The following NEMF variants were observed in gnomAD, a reference collection of about 807,000 sequenced individuals.
NEMF encodes nuclear export mediator factor.
Under a neutral mutation model 162.2 loss-of-function variants are expected in NEMF, and 89 were observed. That is an observed-to-expected ratio of 0.55 (90% CI 0.46 to 0.65). The LOEUF is 0.65. Ranked by LOEUF, NEMF falls within the 30% of genes least tolerant of loss-of-function variation. The pLI, the probability that NEMF is intolerant of heterozygous loss-of-function variation, is 0.00. For missense variants in NEMF, 1,133 were observed against 1,261.9 expected, an observed-to-expected ratio of 0.90 and a Z score of 1.55; for synonymous variants, 421 against 404.5, an observed-to-expected ratio of 1.04 and a Z score of -0.49.
At chr14:49,851,908 CA>C in intron 1 of NEMF, 33 bp from the exon 2 acceptor site, 4 of 1,292,042 alleles carry the variant, frequency 3.1e-6, no homozygotes, top group Non-Finnish European at 4.4e-6. Flanking sequence ...TAACATGTTA[CA>C]CTATTGTCTG....
intron 16 of NEMF, among the ~76,000 whole-genome samples, chr14:49,823,358 G>C (rs1892180534): frequency 6.7e-6 from 1 of 149,982 alleles, no homozygotes. Flanking sequence ...AGAGCTAAAA[G>C]AAACTAAAGC....
intron 8 of NEMF, among the ~76,000 whole-genome samples, chr14:49,833,114 A>G (rs774286023): frequency 6.6e-6 from 1 of 152,108 alleles, no homozygotes; most frequent in Non-Finnish European, 1.5e-5. Context: ...GAAAATATAA[A>G]AACTGTCCAG....
intron 7 of NEMF, among the ~76,000 whole-genome samples, chr14:49,833,864 C>G (rs1321966585): frequency 1.3e-5 from 2 of 152,182 alleles, no homozygotes; most frequent in African/African-American, 4.8e-5. Flanking sequence ...AAGGGTTACA[C>G]AGACAGTAAT....
At chr14:49,823,026 T>C (rs1360732248) in intron 16 of NEMF, among the ~76,000 whole-genome samples, 1 of 150,838 alleles carries the variant, frequency 6.6e-6, no homozygotes, top group Non-Finnish European at 1.5e-5. Context: ...AACCTCTGCC[T>C]CCCAAGTTCA....
At chr14:49,852,435 C>G (rs1390686288) in intron 1 of NEMF, among the ~76,000 whole-genome samples, 1 of 152,262 alleles carries the variant, frequency 6.6e-6, no homozygotes, top group East Asian at 1.9e-4. Flanking sequence ...CCCAGGCCAA[C>G]AATGCAAGAG....
In NEMF at chr14:49,784,515, G is replaced by A. The variant is rs1053628112; in HGVS notation, c.*121C>T. 2 of 673,640 alleles carry A rather than the reference G, an allele frequency of 3.0e-6. No individual in the cohort carries two copies. Among genetic ancestry groups the A allele is most frequent in the Non-Finnish European group, 5.1e-6 (2 of 393,026 alleles). The allele number at this position is 673,640 out of a possible 1,614,324, so 41.7% of individuals were successfully genotyped here. ...GAAGTAAGTCCTTTTGGTGAATATA[G>A]CAAGGCAATGTTTAGTTCATTTTTA... On this transcript the variant is annotated 3_prime_UTR_variant, in exon 33 of 33. Coordinates refer to ENST00000298310, the MANE Select transcript of NEMF (RefSeq NM_004713.6).
chr14:49,785,553 CAAT>C (rs1225870011), intron 29 of NEMF: 4 of 425,652 alleles, frequency 9.4e-6, no homozygotes, highest in Non-Finnish European at 1.7e-5. Context: ...GTAATGAGAA[CAAT>C]AATTTTCAAA....
intron 10 of NEMF, 137 bp from the exon 11 acceptor site, chr14:49,831,498 C>T (rs967171965): frequency 3.6e-5 from 22 of 604,498 alleles, no homozygotes; most frequent in South Asian, 7.6e-5. Context: ...ACTGCAGTGG[C>T]GCGATCTAGG....
chr14:49,842,618 G>T (rs141190352), intron 4 of NEMF, among the ~76,000 whole-genome samples: 83 of 152,364 alleles, frequency 5.4e-4, no homozygotes, highest in African/African-American at 2.0e-3. Context: ...AAATTCATCT[G>T]AAATGACAGG....
intron 4 of NEMF, among the ~76,000 whole-genome samples, chr14:49,843,015 A>T (rs1270399521): frequency 3.3e-5 from 5 of 152,050 alleles, no homozygotes; most frequent in Non-Finnish European, 1.5e-5. Flanking sequence ...AAAAAAAATT[A>T]AAAAATAAAA....
At chr14:49,788,925 A>T (rs1435185138) in intron 28 of NEMF, among the ~76,000 whole-genome samples, 2 of 152,118 alleles carry the variant, frequency 1.3e-5, no homozygotes, top group Admixed American at 1.3e-4. Context: ...TACTTCCTAA[A>T]GGCTTGTAAC....
At chr14:49,837,140 G>C (rs1339323995) in intron 6 of NEMF, among the ~76,000 whole-genome samples, 3 of 152,150 alleles carry the variant, frequency 2.0e-5, no homozygotes, top group Non-Finnish European at 4.4e-5. Context: ...GCTGAGCGTG[G>C]TGGCATGAGC....
In NEMF at chr14:49,782,968, T is replaced by G; in HGVS notation, c.*1668A>C. 6.2e-7 allele frequency: 1 copy of G among 1,609,446 alleles called. No homozygotes were observed. The highest frequency in any genetic ancestry group is 8.5e-7 in the Non-Finnish European group (1 of 1,177,926). On this transcript the variant is annotated 3_prime_UTR_variant, in exon 33 of 33. Coordinates refer to ENST00000298310, the MANE Select transcript of NEMF (RefSeq NM_004713.6). ...CTGGATCTTAAGGCTTCATAAATAA[T>G]GCCTATGATCACCTTGCATGGACAG... is the stretch of plus-strand genomic sequence containing the variant.
Position 49,782,304 on chromosome 14 carries a change from T to G in NEMF, c.*2332A>C, listed in dbSNP as rs1231410069. On this transcript the variant is annotated 3_prime_UTR_variant, in exon 33 of 33. Coordinates refer to ENST00000298310, the MANE Select transcript of NEMF (RefSeq NM_004713.6). ...GCTAGTCTTTATTTCATAGCTCTAT[T>G]CTGTAGTATAAAATGGCCAACTGGT... is the stretch of plus-strand genomic sequence containing the variant. 1.0e-6 allele frequency: 1 copy of G among 970,418 alleles called. No individual in the cohort carries two copies. Among genetic ancestry groups the G allele is most frequent in the Admixed American group, 2.0e-5 (1 of 50,366 alleles). The allele number at this position is 970,418 out of a possible 1,614,324, so 60.1% of individuals were successfully genotyped here. A position where few individuals can be genotyped will look rare whatever the true frequency, so the allele number is the denominator to read the frequency against.
intron 11 of NEMF, among the ~76,000 whole-genome samples, chr14:49,830,640 C>G (rs1170794755): frequency 6.6e-6 from 1 of 152,274 alleles, no homozygotes; most frequent in Non-Finnish European, 1.5e-5. Context: ...CCGCCTCGGC[C>G]TCCCAAAGTG....
At chr14:49,835,937 G>A (rs148128021) in intron 6 of NEMF, among the ~76,000 whole-genome samples, 1 of 152,298 alleles carries the variant, frequency 6.6e-6, no homozygotes, top group Non-Finnish European at 1.5e-5. Context: ...CTAACTGAGA[G>A]AAATTAAAGA....
chr14:49,835,218 CAAAAA>C (rs55826615), intron 6 of NEMF, among the ~76,000 whole-genome samples: 1 of 132,948 alleles, frequency 7.5e-6, no homozygotes, highest in Non-Finnish European at 1.6e-5. Flanking sequence ...ACCCCGCAAC[CAAAAA>C]AAAAAAAAAA....
At chr14:49,802,383 C>T (rs896121564) in intron 22 of NEMF, 70 bp downstream of exon 22, 31 of 1,512,412 alleles carry the variant, frequency 2.0e-5, no homozygotes, top group Non-Finnish European at 1.8e-6. Context: ...ACATGATCTT[C>T]TAAGGATTTA....
intron 4 of NEMF, among the ~76,000 whole-genome samples, chr14:49,845,071 G>A (rs1893427467): frequency 1.4e-5 from 1 of 70,106 alleles, no homozygotes; most frequent in Non-Finnish European, 2.8e-5. Flanking sequence ...ACCTGGCCCA[G>A]ATTAAGTTAG....
Sources: gnomAD v4.1 joint callset for allele counts (sites outside exome capture counted in the v4.1 genomes callset) on GRCh38, gnomAD v4.1.1 for gene constraint, MANE v1.5 for transcripts, NCBI Gene and HGNC (gene_info 2026-07-23, HGNC 2026-07-21) for gene names.